Variants in EYS observed in about 807,000 individuals in gnomAD.
EYS encodes protein eyes shut homolog.
Under a neutral mutation model 282.1 loss-of-function variants are expected in EYS, and 250 were observed. The ratio of observed to expected loss-of-function variants is 0.89; its 90% CI spans 0.80 to 0.98. The LOEUF (loss-of-function observed/expected upper bound fraction) is 0.98, where lower values mean the gene tolerates loss of function less well. Among genes scored for constraint, EYS ranks in the 50% least tolerant of loss-of-function variants. The probability of loss-of-function intolerance (pLI) is 0.00; values close to 1 mark genes in which losing one functional copy is unlikely to be tolerated. For synonymous variants in EYS, 1,355 were observed against 1,282.9 expected (o/e 1.06, Z -1.20); for missense variants, 4,016 against 3,709.0 (o/e 1.08, Z -2.15).
chr6:64,282,854 A>G (rs1447030062), intron 30 of EYS, among the ~76,000 whole-genome samples: 1 of 152,144 alleles, frequency 6.6e-6, no homozygotes, highest in African/African-American at 2.4e-5. Context: ...ATGAATTCTC[A>G]TTGTTTCATG....
chr6:65,290,353 T>C (rs1768489978), intron 12 of EYS, among the ~76,000 whole-genome samples: 1 of 151,124 alleles, frequency 6.6e-6, no homozygotes, highest in South Asian at 2.1e-4. Context: ...CTAACTATTA[T>C]AAGAGAAAAT....
chr6:64,448,780 C>T (rs1043465066), intron 26 of EYS, among the ~76,000 whole-genome samples: 1 of 152,170 alleles, frequency 6.6e-6, no homozygotes, highest in African/African-American at 2.4e-5. Flanking sequence ...CTCCAACAGA[C>T]CTGCAGCTGA....
chr6:64,028,360 G>A (rs571871230), intron 33 of EYS, among the ~76,000 whole-genome samples: 3 of 152,306 alleles, frequency 2.0e-5, no homozygotes, highest in Admixed American at 6.5e-5. Context: ...AAAGCTCAAG[G>A]CTTAGTAAGG....
chr6:63,832,316 C>T (rs1771664706), intron 36 of EYS, among the ~76,000 whole-genome samples: 1 of 152,006 alleles, frequency 6.6e-6, no homozygotes, highest in Non-Finnish European at 1.5e-5. Context: ...TGATAGACCG[C>T]TAGCAAGACT....
At chr6:65,208,807 G>T (rs1428288270) in intron 12 of EYS, among the ~76,000 whole-genome samples, 1 of 87,948 alleles carries the variant, frequency 1.1e-5, no homozygotes, top group Non-Finnish European at 2.6e-5. Flanking sequence ...TATGGTTGGA[G>T]GGGATTGATG....
chr6:64,607,664 A>G (rs940724847), intron 24 of EYS, among the ~76,000 whole-genome samples: 7 of 152,136 alleles, frequency 4.6e-5, no homozygotes, highest in African/African-American at 1.7e-4. Context: ...CACTCAGGCC[A>G]TAACAGAATA....
chr6:65,523,886 T>A (rs1767463124), intron 2 of EYS, among the ~76,000 whole-genome samples: 2 of 152,184 alleles, frequency 1.3e-5, no homozygotes. Flanking sequence ...CAACTTTTTG[T>A]TTGAGACAGA....
chr6:63,721,131 T>C lies in EYS; in HGVS notation c.8900A>G (p.Tyr2967Cys). The C allele has an allele frequency of 6.4e-7, 1 of 1,551,420 alleles. No individual in the cohort carries two copies. Among genetic ancestry groups the C allele is most frequent in the Non-Finnish European group, 8.7e-7 (1 of 1,146,716 alleles). ...AKFMGNSYIK[Y>C]IDPNYRMRNL... is the part of the protein sequence containing the mutation. ...TCTCATTCTATAATTTGGATCAATG[T>C]ATTTAATGTAAGAATTACCCATAAA... The change falls in exon 43 of 43, where the codon TAC (tyrosine) becomes TGC (cysteine). Residue 2967 changes from tyrosine (Y) to cysteine (C), a missense_variant. Physicochemically the swap from Tyr to Cys is radical, Grantham distance 194. Transcript: ENST00000503581.
intron 12 of EYS, among the ~76,000 whole-genome samples, chr6:65,155,261 A>G (rs2150217875): frequency 6.6e-6 from 1 of 151,636 alleles, no homozygotes; most frequent in South Asian, 2.1e-4. Context: ...CTTTCATCAA[A>G]GCTACTACAC....
chr6:64,715,041 T>C (rs1771341093), intron 22 of EYS, among the ~76,000 whole-genome samples: 2 of 152,126 alleles, frequency 1.3e-5, no homozygotes, highest in Non-Finnish European at 2.9e-5. Flanking sequence ...GTTTTTTTTT[T>C]TTGGCACCAG....
At chr6:63,904,652 G>A (rs538649835) in intron 35 of EYS, among the ~76,000 whole-genome samples, 169 of 152,312 alleles carry the variant, frequency 1.1e-3, no homozygotes, top group Admixed American at 4.4e-3. Flanking sequence ...TGCAGTTCTT[G>A]GGGAAGGAAC....
At chr6:64,581,843 G>C (rs1470858506) in intron 26 of EYS, among the ~76,000 whole-genome samples, 3 of 152,134 alleles carry the variant, frequency 2.0e-5, no homozygotes, top group Non-Finnish European at 4.4e-5. Flanking sequence ...GTCTACCACT[G>C]TCTATGTCTT....
At chr6:64,944,547 C>T (rs756426093) in intron 15 of EYS, among the ~76,000 whole-genome samples, 1 of 152,000 alleles carries the variant, frequency 6.6e-6, no homozygotes, top group South Asian at 2.1e-4. Context: ...CCCTTGAAAG[C>T]GGGGTATTGT....
chr6:64,478,380 A>C (rs1323684321), intron 26 of EYS, among the ~76,000 whole-genome samples: 3 of 151,792 alleles, frequency 2.0e-5, no homozygotes, highest in African/African-American at 7.2e-5. Flanking sequence ...AATCAGTTGA[A>C]TGGATGGAAA....
chr6:65,376,631 T>A (rs927056562), intron 8 of EYS, among the ~76,000 whole-genome samples: 4 of 152,004 alleles, frequency 2.6e-5, no homozygotes, highest in Non-Finnish European at 5.9e-5. Flanking sequence ...AGAAGACCCA[T>A]CTCATACGCA....
intron 5 of EYS, among the ~76,000 whole-genome samples, chr6:65,416,712 G>A (rs559832633): frequency 2.0e-5 from 3 of 151,932 alleles, no homozygotes; most frequent in Admixed American, 6.6e-5. Context: ...GTAAAATAAC[G>A]CACTGCAGTT....
chr6:64,993,352 G>A, intron 14 of EYS, among the ~76,000 whole-genome samples: 1 of 151,852 alleles, frequency 6.6e-6, no homozygotes, highest in East Asian at 2.0e-4. Flanking sequence ...GTAATGGGAT[G>A]GCTGGGTCAA....
chr6:63,757,739 C>T (rs916163303), intron 41 of EYS, among the ~76,000 whole-genome samples: 16 of 152,116 alleles, frequency 1.1e-4, no homozygotes, highest in African/African-American at 2.7e-4. Flanking sequence ...AAAGAACCTA[C>T]GTTGAAATAT....
chr6:64,275,800 A>T (rs1234618763), intron 30 of EYS, among the ~76,000 whole-genome samples: 8 of 70,184 alleles, frequency 1.1e-4, no homozygotes, highest in South Asian at 9.3e-4. Flanking sequence ...CTAAAAAAAT[A>T]AAATAAAATA....
Sources: allele counts gnomAD v4.1 joint callset (sites outside exome capture counted in the v4.1 genomes callset), GRCh38; gene constraint gnomAD v4.1.1; transcripts MANE v1.5; gene names NCBI Gene and HGNC (gene_info 2026-07-23, HGNC 2026-07-21).